NRXN3: variants seen among roughly 807,000 people sequenced by gnomAD.
NRXN3 encodes neurexin 3.
NRXN3 carries 32 observed loss-of-function variants against 137.6 expected under a neutral mutation model. That is an observed-to-expected ratio of 0.23 (90% CI 0.18 to 0.31). The LOEUF (loss-of-function observed/expected upper bound fraction) is 0.31. NRXN3 is among the 10% of genes least tolerant of loss of function. The pLI, the probability that NRXN3 is intolerant of heterozygous loss-of-function variation, is 1.00. For synonymous variants in NRXN3, 798 were observed against 784.5 expected (o/e 1.02, Z -0.29); for missense variants, 1,574 against 2,062.5 (o/e 0.76, Z 4.59).
chr14:79,363,648 A>G lies in NRXN3; in HGVS notation c.3263-103573A>G, dbSNP rs117682570. Among the ~76,000 whole-genome samples the G allele has an allele frequency of 1.3e-3, 191 of 152,246 alleles. 5 individuals carry two copies. In the East Asian group the frequency reaches 0.03, roughly 24 times the overall value. On this transcript the variant is annotated intron_variant, in intron 15 of 20. Coordinates refer to ENST00000335750, the MANE Select transcript of NRXN3 (RefSeq NM_001330195.2). ...ATGGAAAAGAGGACTCTGAAGACAAATTAGTCCTTTACAATTATAATTTTA... is the reference window on the plus strand; with the variant it reads ...ATGGAAAAGAGGACTCTGAAGACAAGTTAGTCCTTTACAATTATAATTTTA...
intron 15 of NRXN3, among the ~76,000 whole-genome samples, chr14:79,183,748 A>C (rs2063207472): frequency 6.6e-6 from 1 of 152,036 alleles, no homozygotes; most frequent in African/African-American, 2.4e-5. Context: ...CTGTTTCTTC[A>C]CCTGTTTTTC....
chr14:79,803,435 C>T (rs1003866547), intron 19 of NRXN3, among the ~76,000 whole-genome samples: 3 of 152,104 alleles, frequency 2.0e-5, no homozygotes, highest in Non-Finnish European at 2.9e-5. Flanking sequence ...GAACTCTCCC[C>T]TTGGCTTGCA....
At chr14:79,768,228 G>C (rs1336580331) in intron 19 of NRXN3, among the ~76,000 whole-genome samples, 1 of 152,222 alleles carries the variant, frequency 6.6e-6, no homozygotes, top group Non-Finnish European at 1.5e-5. Context: ...GCTTGCTTAG[G>C]TAAACAAAGC....
chr14:79,488,835 TC>T (rs2096683000), intron 16 of NRXN3, among the ~76,000 whole-genome samples: 1 of 152,138 alleles, frequency 6.6e-6, no homozygotes, highest in Non-Finnish European at 1.5e-5. Context: ...TAGAATGATC[TC>T]TTTGGGGGAT....
intron 4 of NRXN3, among the ~76,000 whole-genome samples, chr14:78,629,760 A>G (rs1442574649): frequency 6.6e-6 from 1 of 152,248 alleles, no homozygotes; most frequent in Non-Finnish European, 1.5e-5. Flanking sequence ...ATGGAATCTC[A>G]AAGACTCTTC....
intron 15 of NRXN3, among the ~76,000 whole-genome samples, chr14:79,417,851 G>C (rs2095519141): frequency 2.0e-5 from 3 of 151,922 alleles, no homozygotes; most frequent in Non-Finnish European, 2.9e-5. Flanking sequence ...TGCCAGACAG[G>C]GCTTTTGATT....
At chr14:79,216,954 G>T (rs2153229603) in intron 15 of NRXN3, among the ~76,000 whole-genome samples, 1 of 152,158 alleles carries the variant, frequency 6.6e-6, no homozygotes, top group East Asian at 1.9e-4. Flanking sequence ...GGCTAACATG[G>T]TGAAACCCTG....
chr14:79,261,601 C>CTGTGTGTGTGTGTG lies in NRXN3; in HGVS notation c.3263-205591_3263-205578dup, dbSNP rs5809932. Among the ~76,000 whole-genome samples, 9 of 59,214 alleles carry CTGTGTGTGTGTGTG rather than the reference C, an allele frequency of 1.5e-4. No homozygotes were observed. In the South Asian group the frequency reaches 3.0e-3, roughly 20 times the overall value. The allele number at this position is 59,214 out of a possible 152,430, so 38.8% of individuals were successfully genotyped here. On this transcript the variant is annotated intron_variant, in intron 15 of 20. Coordinates refer to ENST00000335750, the MANE Select transcript of NRXN3 (RefSeq NM_001330195.2). The stretch of plus-strand genomic sequence containing the variant: ...TGAAATCCCACAGATAAGAAAGGTG[C>CTGTGTGTGTGTGTG]TGTGTGTGTGTGTGTGTGTGTGTGT...
intron 19 of NRXN3, among the ~76,000 whole-genome samples, chr14:79,776,305 C>CAGAT (rs2099096912): frequency 6.6e-6 from 1 of 152,192 alleles, no homozygotes; most frequent in South Asian, 2.1e-4. Context: ...TACATTACTG[C>CAGAT]AGATAGTATC....
chr14:79,856,406 C>T (rs1218205303), intron 20 of NRXN3, among the ~76,000 whole-genome samples: 1 of 152,060 alleles, frequency 6.6e-6, no homozygotes, highest in Non-Finnish European at 1.5e-5. Flanking sequence ...TTCCCCTTAT[C>T]ATGTGAATTT....
intron 19 of NRXN3, among the ~76,000 whole-genome samples, chr14:79,721,040 G>A (rs1274510409): frequency 1.3e-5 from 2 of 152,082 alleles, no homozygotes; most frequent in African/African-American, 2.4e-5. Context: ...ATCTGTATAT[G>A]AGTTCTATAC....
intron 15 of NRXN3, among the ~76,000 whole-genome samples, chr14:79,158,784 G>A (rs919061326): frequency 6.6e-6 from 1 of 151,794 alleles, no homozygotes; most frequent in Non-Finnish European, 1.5e-5. Context: ...AGAACTGAAG[G>A]TCCTGAAAAT....
At chr14:78,599,864 G>A (rs1166829154) in intron 4 of NRXN3, among the ~76,000 whole-genome samples, 3 of 152,222 alleles carry the variant, frequency 2.0e-5, no homozygotes, top group Non-Finnish European at 2.9e-5. Context: ...AAAGCTTGCT[G>A]CCTGGTGGTG....
intron 2 of NRXN3, among the ~76,000 whole-genome samples, chr14:78,269,797 A>G (rs1490674573): frequency 6.6e-6 from 1 of 152,178 alleles, no homozygotes; most frequent in African/African-American, 2.4e-5. Context: ...CTGAAACCCT[A>G]GAAGACCCAC....
chr14:79,066,338 A>G (rs1334798971), intron 15 of NRXN3, among the ~76,000 whole-genome samples: 1 of 151,950 alleles, frequency 6.6e-6, no homozygotes, highest in South Asian at 2.1e-4. Flanking sequence ...GTGCTTTTCC[A>G]TTGATCTATT....
intron 4 of NRXN3, among the ~76,000 whole-genome samples, chr14:78,325,381 T>C (rs1399425674): frequency 1.3e-5 from 2 of 150,878 alleles, no homozygotes; most frequent in African/African-American, 5.0e-5. Context: ...ACAGATTGCT[T>C]GAATGAATGT....
At chr14:78,980,826 G>T (rs2099487426) in intron 14 of NRXN3, among the ~76,000 whole-genome samples, 1 of 152,154 alleles carries the variant, frequency 6.6e-6, no homozygotes, top group South Asian at 2.1e-4. Flanking sequence ...ACACATTTCT[G>T]TTGTCTTGTC....
At chr14:79,166,797 A>T (rs555899976) in intron 15 of NRXN3, among the ~76,000 whole-genome samples, 1 of 152,036 alleles carries the variant, frequency 6.6e-6, no homozygotes, top group Non-Finnish European at 1.5e-5. Flanking sequence ...AAGATGCTAC[A>T]TCTATCTGAG....
chr14:79,073,126 A>C (rs2152722397), intron 15 of NRXN3, among the ~76,000 whole-genome samples: 1 of 152,136 alleles, frequency 6.6e-6, no homozygotes, highest in Middle Eastern at 3.4e-3. Context: ...ACCTCAGGTG[A>C]TCCACTCGCC....
Sources: allele counts gnomAD v4.1 joint callset (sites outside exome capture counted in the v4.1 genomes callset), GRCh38; gene constraint gnomAD v4.1.1; transcripts MANE v1.5; gene names NCBI Gene and HGNC (gene_info 2026-07-23, HGNC 2026-07-21).